The following SLC22A15 variants were observed in gnomAD, a reference collection of about 807,000 sequenced individuals.
SLC22A15 encodes the protein flipt 1.
In SLC22A15, 45 loss-of-function variants were observed where a neutral mutation model predicts 62.7. The ratio of observed to expected loss-of-function variants is 0.72; its 90% confidence interval spans 0.56 to 0.92. The LOEUF is 0.92. Ranked by LOEUF, SLC22A15 falls within the 40% of genes least tolerant of loss-of-function variation. The pLI is 0.00. For missense variants in SLC22A15, 622 were observed against 665.6 expected (o/e 0.93, Z 0.72); for synonymous variants, 264 against 267.0 (o/e 0.99, Z 0.11).
At chr1:116,006,585 C>A (rs1655995606) in intron 2 of SLC22A15, among the ~76,000 whole-genome samples, 1 of 152,056 alleles carries the variant, frequency 6.6e-6, no homozygotes, top group South Asian at 2.1e-4. Flanking sequence ...AATCTTAGCC[C>A]ACTGGGGTGC....
chr1:115,999,355 C>T (rs563785655), intron 2 of SLC22A15, among the ~76,000 whole-genome samples: 1 of 152,096 alleles, frequency 6.6e-6, no homozygotes, highest in African/African-American at 2.4e-5. Flanking sequence ...GTTGATTTTT[C>T]TCCCTGGATG....
chr1:115,985,873 G>A (rs879750486), intron 1 of SLC22A15, among the ~76,000 whole-genome samples: 3 of 149,216 alleles, frequency 2.0e-5, no homozygotes, highest in Non-Finnish European at 4.4e-5. Flanking sequence ...TTGAACCCGG[G>A]AGGCAGAGGT....
intron 8 of SLC22A15, among the ~76,000 whole-genome samples, chr1:116,051,955 T>C (rs1249416764): frequency 6.6e-6 from 1 of 152,258 alleles, no homozygotes; most frequent in African/African-American, 2.4e-5. Flanking sequence ...AGCTCTGGTC[T>C]ACAGCTCCCA....
At chr1:116,049,960 A>G (rs146011617) in intron 8 of SLC22A15, among the ~76,000 whole-genome samples, 1,628 of 152,290 alleles carry the variant, frequency 0.011, 14 homozygotes, top group Non-Finnish European at 0.014. Context: ...CAAGGCTACT[A>G]TGAACACCTT....
chr1:116,035,151 T>G, intron 6 of SLC22A15, 36 bp from the exon 7 acceptor site: 1 of 1,597,150 alleles, frequency 6.3e-7, no homozygotes, highest in Non-Finnish European at 8.5e-7. Context: ...GTCCTTCTTG[T>G]CTTTTACCTC....
intron 2 of SLC22A15, among the ~76,000 whole-genome samples, chr1:116,014,356 A>T (rs1474425752): frequency 2.0e-5 from 3 of 152,186 alleles, no homozygotes; most frequent in Non-Finnish European, 2.9e-5. Flanking sequence ...TCTTTAGATC[A>T]GTGAATGATT....
intron 5 of SLC22A15, among the ~76,000 whole-genome samples, chr1:116,029,548 G>T (rs1044079063): frequency 3.9e-5 from 6 of 152,070 alleles, no homozygotes; most frequent in African/African-American, 1.4e-4. Flanking sequence ...TGGCAACTAG[G>T]TGACCCTCTT....
intron 2 of SLC22A15, among the ~76,000 whole-genome samples, chr1:116,002,738 A>G (rs1301016775): frequency 6.6e-6 from 1 of 151,926 alleles, no homozygotes; most frequent in Non-Finnish European, 1.5e-5. Flanking sequence ...CTTTTCTTTC[A>G]GGGGAATGGG....
intron 6 of SLC22A15, 182 bp downstream of exon 6, chr1:116,031,763 T>C: frequency 7.0e-7 from 1 of 1,428,456 alleles, no homozygotes. Context: ...GCCCCGTCTT[T>C]CTCAAGTAGC....
chr1:116,005,791 AG>A (rs1398169613), intron 2 of SLC22A15, among the ~76,000 whole-genome samples: 2 of 152,150 alleles, frequency 1.3e-5, no homozygotes, highest in Non-Finnish European at 2.9e-5. Context: ...CTGTAGGTAG[AG>A]TACCTACACA....
chr1:116,033,172 T>C (rs754159847), intron 6 of SLC22A15, among the ~76,000 whole-genome samples: 1 of 152,202 alleles, frequency 6.6e-6, no homozygotes, highest in Non-Finnish European at 1.5e-5. Flanking sequence ...AAGAAAGCCT[T>C]AACTGGGGAT....
chr1:115,993,645 A>G (rs1341700707), intron 2 of SLC22A15, among the ~76,000 whole-genome samples: 3 of 152,004 alleles, frequency 2.0e-5, no homozygotes, highest in Non-Finnish European at 4.4e-5. Context: ...AAAAGTTACT[A>G]TACTAACTTT....
intron 1 of SLC22A15, among the ~76,000 whole-genome samples, chr1:115,977,021 G>T (rs1379326713): frequency 1.3e-5 from 2 of 152,186 alleles, no homozygotes; most frequent in African/African-American, 2.4e-5. Context: ...GGTTAAGGAG[G>T]GATGCAAAAT....
chr1:116,060,825 T>G (rs539559890), intron 8 of SLC22A15, among the ~76,000 whole-genome samples: 5 of 152,288 alleles, frequency 3.3e-5, no homozygotes, highest in African/African-American at 1.2e-4. Context: ...AAAATATATA[T>G]CCAGGACTTA....
rs575201155 is a variant in SLC22A15, at chr1:116,067,142, C to T, written c.*34C>T. The T allele has an allele frequency of 1.1e-5, 17 of 1,536,194 alleles. No homozygotes were observed. The highest frequency in any genetic ancestry group is 9.3e-5 in the South Asian group (8 of 86,362). On this transcript the variant is annotated 3_prime_UTR_variant, in exon 12 of 12. Coordinates refer to ENST00000369503, the MANE Select transcript of SLC22A15 (RefSeq NM_018420.3). ...AGATTCCCCCTAAGAAGCAAAGGATCGTCTTTTATGCCTCTGGCTAAGGCA... is the reference window on the plus strand; with the variant it reads ...AGATTCCCCCTAAGAAGCAAAGGATTGTCTTTTATGCCTCTGGCTAAGGCA...
Position 115,981,751 on chromosome 1 carries a change from A to C in SLC22A15, c.87+5037A>C, listed in dbSNP as rs540891380. On this transcript the variant is annotated intron_variant, in intron 1 of 11. Coordinates refer to ENST00000369503, the MANE Select transcript of SLC22A15 (RefSeq NM_018420.3). ...AAAGCAACTAGACTGATACCTCTGCAGCACCCAAACCCCCAGCCGAATGCC... is the reference window on the plus strand; with the variant it reads ...AAAGCAACTAGACTGATACCTCTGCCGCACCCAAACCCCCAGCCGAATGCC... Among the ~76,000 whole-genome samples the C allele has an allele frequency of 1.8e-4, 27 of 152,350 alleles. No homozygotes were observed. In the South Asian group the frequency reaches 4.1e-3, roughly 23 times the overall value.
chr1:115,987,325 C>T (rs974281217), intron 1 of SLC22A15, among the ~76,000 whole-genome samples: 3 of 151,982 alleles, frequency 2.0e-5, no homozygotes, highest in African/African-American at 7.3e-5. Context: ...GCCACCACGC[C>T]CAGCTAATTT....
chr1:116,014,313 C>G (rs1193649442), intron 2 of SLC22A15, among the ~76,000 whole-genome samples: 1 of 152,164 alleles, frequency 6.6e-6, no homozygotes, highest in Admixed American at 6.5e-5. Context: ...GGTTCTGCCC[C>G]CAGTTGTGCC....
At chr1:116,004,018 G>T (rs1411570178) in intron 2 of SLC22A15, among the ~76,000 whole-genome samples, 1 of 152,186 alleles carries the variant, frequency 6.6e-6, no homozygotes, top group Non-Finnish European at 1.5e-5. Context: ...ACTGCATCCA[G>T]ACAGTGAAAG....
Sources: allele counts gnomAD v4.1 joint callset (sites outside exome capture counted in the v4.1 genomes callset), GRCh38; gene constraint gnomAD v4.1.1; transcripts MANE v1.5; gene names NCBI Gene and HGNC (gene_info 2026-07-23, HGNC 2026-07-21).